The following FGF14 variants were observed in gnomAD, a reference collection of about 807,000 sequenced individuals.
FGF14 encodes fibroblast growth factor homologous factor 4.
In FGF14, 5 loss-of-function variants were observed where a neutral mutation model predicts 25.5. The observed-to-expected ratio is 0.20, with a 90% CI of 0.10 to 0.41. The LOEUF (loss-of-function observed/expected upper bound fraction) is 0.41. FGF14 is among the 10% of genes least tolerant of loss of function. The pLI is 1.00. For missense variants in FGF14, 222 were observed against 320.1 expected, an observed-to-expected ratio of 0.69 and a Z score of 2.34; for synonymous variants, 138 against 118.3, an observed-to-expected ratio of 1.17 and a Z score of -1.08.
intron 1 of FGF14, among the ~76,000 whole-genome samples, chr13:101,985,761 A>G (rs191436536): frequency 8.6e-4 from 131 of 152,268 alleles, no homozygotes; most frequent in African/African-American, 2.9e-3. Flanking sequence ...TACAACAAAA[A>G]TTAACCAAAC....
chr13:102,336,902 C>G (rs1418269323), intron 1 of FGF14, among the ~76,000 whole-genome samples: 1 of 152,158 alleles, frequency 6.6e-6, no homozygotes, highest in East Asian at 1.9e-4. Flanking sequence ...ATTTTAAACT[C>G]CCTGTTAAGA....
At chr13:101,838,732 G>A (rs1027332180) in intron 3 of FGF14, among the ~76,000 whole-genome samples, 3 of 151,800 alleles carry the variant, frequency 2.0e-5, no homozygotes, top group Admixed American at 6.6e-5. Context: ...GCTAACTCAG[G>A]AAAAAACAAA....
chr13:102,257,064 A>C (rs1257240613), intron 1 of FGF14, among the ~76,000 whole-genome samples: 2 of 152,196 alleles, frequency 1.3e-5, no homozygotes, highest in Non-Finnish European at 2.9e-5. Context: ...CTTGCATAAT[A>C]ATTGGCATAA....
intron 1 of FGF14, among the ~76,000 whole-genome samples, chr13:102,009,889 C>T (rs955375001): frequency 1.3e-5 from 2 of 152,082 alleles, no homozygotes; most frequent in East Asian, 1.9e-4. Flanking sequence ...CCTTCCAAAG[C>T]CATACAAAGA....
chr13:102,063,854 T>A (rs1020928326), intron 1 of FGF14, among the ~76,000 whole-genome samples: 1 of 152,126 alleles, frequency 6.6e-6, no homozygotes, highest in East Asian at 1.9e-4. Flanking sequence ...AAAAAACACT[T>A]AATATATTAT....
chr13:101,816,551 G>A (rs1340990111), intron 3 of FGF14, among the ~76,000 whole-genome samples: 3 of 152,034 alleles, frequency 2.0e-5, no homozygotes, highest in Non-Finnish European at 4.4e-5. Flanking sequence ...TACAGCTACA[G>A]AGATCTGAAA....
chr13:101,910,891 TG>T, intron 1 of FGF14, among the ~76,000 whole-genome samples: 3 of 139,174 alleles, frequency 2.2e-5, no homozygotes, highest in South Asian at 2.3e-4. Flanking sequence ...TGTGTGTGTG[TG>T]TTTTAGTTGT....
chr13:102,045,585 T>C (rs1464554589), intron 1 of FGF14, among the ~76,000 whole-genome samples: 1 of 152,096 alleles, frequency 6.6e-6, no homozygotes, highest in East Asian at 1.9e-4. Flanking sequence ...AGTGGCAGAA[T>C]AATGGAAATG....
chr13:102,006,412 C>T (rs181408548), intron 1 of FGF14, among the ~76,000 whole-genome samples: 13 of 152,260 alleles, frequency 8.5e-5, no homozygotes, highest in African/African-American at 3.1e-4. Flanking sequence ...GCCAGTTAAC[C>T]ACAAGGTAGA....
intron 1 of FGF14, among the ~76,000 whole-genome samples, chr13:102,311,669 C>T (rs2055774615): frequency 1.3e-5 from 2 of 152,160 alleles, no homozygotes; most frequent in South Asian, 2.1e-4. Context: ...CTTAAAAAGA[C>T]AGCGTGTAAC....
intron 1 of FGF14, among the ~76,000 whole-genome samples, chr13:102,076,571 G>T (rs1003796740): frequency 6.6e-6 from 1 of 151,910 alleles, no homozygotes; most frequent in Non-Finnish European, 1.5e-5. Context: ...AACCAAGGAG[G>T]TTAAATATTT....
intron 1 of FGF14, among the ~76,000 whole-genome samples, chr13:101,898,889 A>G (rs971733765): frequency 3.9e-5 from 6 of 152,192 alleles, no homozygotes; most frequent in African/African-American, 7.2e-5. Flanking sequence ...TATGGAGATG[A>G]GCACTGTGTT....
chr13:101,913,082 T>C (rs1175100150), intron 1 of FGF14, among the ~76,000 whole-genome samples: 2 of 152,230 alleles, frequency 1.3e-5, no homozygotes, highest in African/African-American at 4.8e-5. Flanking sequence ...AATGAAGGCT[T>C]CTCAGAGGAG....
chr13:102,300,667 G>T (rs1481812407), intron 1 of FGF14, among the ~76,000 whole-genome samples: 4 of 152,046 alleles, frequency 2.6e-5, no homozygotes, highest in Non-Finnish European at 4.4e-5. Flanking sequence ...AAGAATATTA[G>T]ATTTGTTTGA....
intron 1 of FGF14, among the ~76,000 whole-genome samples, chr13:102,259,545 T>G (rs981146586): frequency 4.6e-5 from 7 of 152,102 alleles, no homozygotes; most frequent in African/African-American, 1.7e-4. Flanking sequence ...AGCATATATA[T>G]CATCCCACTA....
Position 101,796,202 on chromosome 13 carries a change from TAATA to T in FGF14, c.409-69396_409-69393del, listed in dbSNP as rs370528958. On this transcript the variant is annotated intron_variant, in intron 3 of 4. Coordinates refer to ENST00000376143, the MANE Select transcript of FGF14 (RefSeq NM_004115.4). ...ATTTTTAAGTTATATGAACATGATT[TAATA>T]TATACTAAACCCATTACTAAAATTC... Among the ~76,000 whole-genome samples, 322 of 152,236 alleles carry T rather than the reference TAATA, an allele frequency of 2.1e-3. 1 individual carries two copies. The highest frequency in any genetic ancestry group is 7.1e-3 in the African/African-American group (297 of 41,546).
At chr13:102,395,707 A>G (rs2058564779) in intron 1 of FGF14, 1 of 152,170 alleles carries the variant, frequency 6.6e-6, no homozygotes, top group Admixed American at 6.5e-5. Flanking sequence ...AAAACCTACC[A>G]TGTGTCGTGA....
At chr13:102,115,068 A>G (rs2045405108) in intron 1 of FGF14, among the ~76,000 whole-genome samples, 1 of 152,204 alleles carries the variant, frequency 6.6e-6, no homozygotes, top group African/African-American at 2.4e-5. Context: ...TATTTGAGAA[A>G]TGAGAGTGGA....
At chr13:102,093,232 A>G (rs2044247435) in intron 1 of FGF14, among the ~76,000 whole-genome samples, 1 of 152,232 alleles carries the variant, frequency 6.6e-6, no homozygotes, top group Admixed American at 6.5e-5. Context: ...TACATAAAAT[A>G]TATGTCAATA....
Sources: gnomAD v4.1 joint callset for allele counts (sites outside exome capture counted in the v4.1 genomes callset) on GRCh38, gnomAD v4.1.1 for gene constraint, MANE v1.5 for transcripts, NCBI Gene and HGNC (gene_info 2026-07-23, HGNC 2026-07-21) for gene names.